The following DOCK11 variants were observed in gnomAD, a reference collection of about 807,000 sequenced individuals.
DOCK11 encodes the protein dedicator of cytokinesis protein 11.
In DOCK11, 70 loss-of-function variants were observed where a neutral mutation model predicts 169.1. The ratio of observed to expected loss-of-function variants is 0.41; its 90% CI spans 0.34 to 0.51. The LOEUF (loss-of-function observed/expected upper bound fraction) is 0.51, where lower values mean the gene tolerates loss of function less well. Ranked by LOEUF, DOCK11 falls within the 20% of genes least tolerant of loss-of-function variation. The pLI is 0.10. For synonymous variants in DOCK11, 529 were observed against 541.3 expected, an observed-to-expected ratio of 0.98 and a Z score of 0.32; for missense variants, 1,166 against 1,538.8, an observed-to-expected ratio of 0.76 and a Z score of 4.05.
At chrX:118,680,178 C>T (rs942532102) in intron 48 of DOCK11, among the ~76,000 whole-genome samples, 8 of 109,809 alleles carry the variant, frequency 7.3e-5, no homozygotes, top group African/African-American at 1.7e-4. Context: ...CCGCCCGCCT[C>T]GGCCTCTTAA....
chrX:118,683,416 C>A (rs985247024), intron 52 of DOCK11, among the ~76,000 whole-genome samples, 199 bp downstream of exon 52: 1 of 112,043 alleles, frequency 8.9e-6, no homozygotes, highest in African/African-American at 3.2e-5. Flanking sequence ...GTTAGTGATG[C>A]AGTTATCTGT....
Position 118,495,852 on chromosome X carries a change from G to C in DOCK11, c.-120G>C, listed in dbSNP as rs2057531632. 7.5e-6 allele frequency: 2 copies of C among 267,116 alleles called. No homozygotes were observed. Among genetic ancestry groups the C allele is most frequent in the South Asian group, 1.9e-4 (1 of 5,321 alleles). 22.0% of individuals were successfully genotyped at this position (267,116 alleles called of 1,213,427 possible). On this transcript the variant is annotated 5_prime_UTR_variant, in exon 1 of 53. Transcript: ENST00000276202. ...GCCGCCGCCGAGCTGCGATGTGGCCGGCCGGCCGGCGAGTAAACAGAGGGA... is the reference window on the plus strand; with the variant it reads ...GCCGCCGCCGAGCTGCGATGTGGCCCGCCGGCCGGCGAGTAAACAGAGGGA...
At position 118,654,918 on chromosome X, in the gene DOCK11, T is replaced by C. The variant is rs769396110; in HGVS notation, c.4926T>C (p.Tyr1642=). 1 of 1,210,359 alleles carries C rather than the reference T, an allele frequency of 8.3e-7. No homozygotes were observed. The highest frequency in any genetic ancestry group is 1.1e-6 in the Non-Finnish European group (1 of 893,917). The change falls in exon 44 of 53, where the codon TAT becomes TAC. Residue 1642 remains tyrosine (Y), a synonymous_variant. Coordinates refer to ENST00000276202, the MANE Select transcript of DOCK11 (RefSeq NM_144658.4). ...NGDFSEAAMC[Y]VHVAALVAEF... is the part of the protein sequence containing the mutation. ...TCCTTTTTCAGGCTGCGATGTGTTATGTCCATGTAGCAGCTCTAGTTGCAG... is the reference window on the plus strand; with the variant it reads ...TCCTTTTTCAGGCTGCGATGTGTTACGTCCATGTAGCAGCTCTAGTTGCAG...
Position 118,605,248 on chromosome X carries a change from C to T in DOCK11, c.2573C>T (p.Ala858Val). The T allele has an allele frequency of 8.6e-7, 1 of 1,162,770 alleles. No individual in the cohort carries two copies. Among genetic ancestry groups the T allele is most frequent in the South Asian group, 1.9e-5 (1 of 51,933 alleles). Residue 858 changes from alanine (A) to valine (V), a missense_variant, in exon 24 of 53, where the codon GCC (alanine) becomes GTC (valine). Ala to Val is a moderately conservative substitution (Grantham distance 64). Transcript: ENST00000276202. The stretch of plus-strand genomic sequence containing the variant: ...ATGACTTAATTTTAGTGTTTGCATG[C>T]CATGGAGATCCAAGTCATGATACAG... ...ELIKYLKCLHAMEIQVMIQFL... is the reference protein window; with the variant it reads ...ELIKYLKCLHVMEIQVMIQFL...
intron 1 of DOCK11, among the ~76,000 whole-genome samples, chrX:118,534,859 G>A (rs746856907): frequency 5.4e-5 from 6 of 111,744 alleles, no homozygotes; most frequent in Non-Finnish European, 9.4e-5. Flanking sequence ...TGACAATAGC[G>A]TACTGTTGTT....
At chrX:118,521,397 A>G (rs907220128) in intron 1 of DOCK11, among the ~76,000 whole-genome samples, 4 of 112,636 alleles carry the variant, frequency 3.6e-5, no homozygotes, top group Admixed American at 9.4e-5. Flanking sequence ...TTATTCATCA[A>G]TTCACCTCCG....
intron 23 of DOCK11, among the ~76,000 whole-genome samples, chrX:118,602,042 G>A (rs1479425202): frequency 9.4e-6 from 1 of 106,554 alleles, no homozygotes; most frequent in Non-Finnish European, 1.9e-5. Context: ...CGCCCACCTG[G>A]GCCTCCTAAA....
intron 1 of DOCK11, among the ~76,000 whole-genome samples, chrX:118,499,711 AC>A (rs1243186456): frequency 8.9e-6 from 1 of 112,260 alleles, no homozygotes; most frequent in African/African-American, 3.2e-5. Context: ...GCCAGTTTCA[AC>A]TTGGGCTTCT....
intron 1 of DOCK11, among the ~76,000 whole-genome samples, chrX:118,530,032 T>C (rs1348733860): frequency 8.9e-6 from 1 of 112,341 alleles, no homozygotes; most frequent in Non-Finnish European, 1.9e-5. Flanking sequence ...TGATCCAACA[T>C]ATTTCTCATC....
At chrX:118,513,290 C>T (rs1470171562) in intron 1 of DOCK11, among the ~76,000 whole-genome samples, 1 of 112,377 alleles carries the variant, frequency 8.9e-6, no homozygotes, top group Non-Finnish European at 1.9e-5. Flanking sequence ...ATTCCAAAGG[C>T]CTGAGCTAGT....
At chrX:118,637,664 T>G (rs1247261088) in intron 36 of DOCK11, among the ~76,000 whole-genome samples, 1 of 110,283 alleles carries the variant, frequency 9.1e-6, no homozygotes, top group African/African-American at 3.3e-5. Flanking sequence ...GAGGCAGAGG[T>G]GAGAGAATAA....
chrX:118,513,017 G>A (rs1244862773), intron 1 of DOCK11, among the ~76,000 whole-genome samples: 2 of 111,560 alleles, frequency 1.8e-5, no homozygotes, highest in Non-Finnish European at 3.8e-5. Flanking sequence ...CTCAACTGCT[G>A]CTCCTGGTGT....
intron 1 of DOCK11, among the ~76,000 whole-genome samples, chrX:118,540,401 G>A (rs1349168800): frequency 6.3e-5 from 7 of 111,377 alleles, no homozygotes; most frequent in Admixed American, 4.8e-4. Context: ...ATGGAAACAC[G>A]GTAGATATGG....
Position 118,654,836 on chromosome X carries a change from G to C in DOCK11, c.4911+19G>C. 1 of 1,207,842 alleles carries C rather than the reference G, an allele frequency of 8.3e-7. No individual in the cohort carries two copies. The highest frequency in any genetic ancestry group is 1.1e-6 in the Non-Finnish European group (1 of 892,058). On this transcript the variant is annotated intron_variant, in intron 43 of 52. Transcript: ENST00000276202. ...TTCAGAGGTGACTACTTAAAGTTTT[G>C]TTCTAAACAGCCCTTCAAAACACCT...
In DOCK11 at chrX:118,649,014, T is replaced by A; in HGVS notation, c.4468T>A (p.Cys1490Ser). 2 of 1,209,361 alleles carry A rather than the reference T, an allele frequency of 1.7e-6. No individual in the cohort carries two copies. Among genetic ancestry groups the A allele is most frequent in the Non-Finnish European group, 2.2e-6 (2 of 893,904 alleles). ...ATTTTGCTATGAGGTTTTAAAGTGC[T>A]GCACATCGAAGATTAGCTCAACCAG... is the stretch of plus-strand genomic sequence containing the variant. ...AAFCYEVLKC[C>S]TSKISSTRNE... The change falls in exon 41 of 53, where the codon TGC (cysteine) becomes AGC (serine). Residue 1490 changes from cysteine to serine, a missense_variant. Coordinates refer to ENST00000276202, the MANE Select transcript of DOCK11 (RefSeq NM_144658.4).
intron 1 of DOCK11, among the ~76,000 whole-genome samples, chrX:118,518,357 TTCC>T (rs2042782702): frequency 9.0e-6 from 1 of 111,651 alleles, no homozygotes; most frequent in South Asian, 3.7e-4. Context: ...CATTTCTTTC[TTCC>T]TTCTGTTCTT....
intron 16 of DOCK11, among the ~76,000 whole-genome samples, chrX:118,586,386 G>C (rs1456088522): frequency 9.0e-6 from 1 of 110,914 alleles, no homozygotes; most frequent in Non-Finnish European, 1.9e-5. Flanking sequence ...CGTCTTTTGT[G>C]GTGGCAGGCG....
intron 42 of DOCK11, among the ~76,000 whole-genome samples, chrX:118,654,158 G>A (rs2016010766): frequency 1.8e-5 from 2 of 112,541 alleles, no homozygotes. Flanking sequence ...GACTTTGGTC[G>A]AGCATTTAAA....
Position 118,546,101 on chromosome X carries a change from C to CAGTACCA in DOCK11, c.544_545insGTACCAA (p.Thr182SerfsTer21). 1 of 1,175,160 alleles carries CAGTACCA rather than the reference C, an allele frequency of 8.5e-7. No individual in the cohort carries two copies. Among genetic ancestry groups the CAGTACCA allele is most frequent in the Non-Finnish European group, 1.2e-6 (1 of 869,137 alleles). ...ATAAAGCAAATGTAAATAGTACCAT[C>CAGTACCA]ACAGTAACCATGAAGGTAGGAAGTA... is the stretch of plus-strand genomic sequence containing the variant. On this transcript the variant is annotated frameshift_variant, in exon 6 of 53. Coordinates refer to ENST00000276202, the MANE Select transcript of DOCK11 (RefSeq NM_144658.4). LOFTEE classifies it high-confidence loss of function.
Sources: allele counts gnomAD v4.1 joint callset (sites outside exome capture counted in the v4.1 genomes callset), GRCh38; gene constraint gnomAD v4.1.1; transcripts MANE v1.5; gene names NCBI Gene and HGNC (gene_info 2026-07-23, HGNC 2026-07-21).